Variants in HSD17B11 observed in about 807,000 individuals in gnomAD.
HSD17B11 encodes the protein estradiol 17-beta-dehydrogenase 11.
A neutral mutation model predicts 27.8 loss-of-function variants in HSD17B11; 22 were observed. The observed-to-expected ratio is 0.79, with a 90% CI of 0.56 to 1.13. The LOEUF (loss-of-function observed/expected upper bound fraction) is 1.13, where lower values mean the gene tolerates loss of function less well. Ranked by LOEUF, HSD17B11 falls within the 50% of genes most tolerant of loss-of-function variation. The pLI is 0.00. For missense variants in HSD17B11, 314 were observed against 351.1 expected, an observed-to-expected ratio of 0.89 and a Z score of 0.84; for synonymous variants, 117 against 132.8, an observed-to-expected ratio of 0.88 and a Z score of 0.82.
Position 87,375,629 on chromosome 4 carries a change from T to A in HSD17B11, c.319-799A>T, listed in dbSNP as rs189165357. ...GGTGGCGGGCGCCTATAATCCCAGC[T>A]ACTCAGGAGGCTGAGGCAGGAGAAT... On this transcript the variant is annotated intron_variant, in intron 2 of 6. Coordinates refer to ENST00000358290, the MANE Select transcript of HSD17B11 (RefSeq NM_016245.5). 4.7e-3 allele frequency among the ~76,000 whole-genome samples: 713 copies of A among 152,252 alleles called. 4 individuals carry two copies. Among genetic ancestry groups the A allele is most frequent in the African/African-American group, 0.016 (668 of 41,540 alleles).
At chr4:87,343,773 C>T (rs2110113164) in intron 5 of HSD17B11, among the ~76,000 whole-genome samples, 1 of 152,268 alleles carries the variant, frequency 6.6e-6, no homozygotes, top group South Asian at 2.1e-4. Flanking sequence ...GTCTCGAACT[C>T]CTGATCTCAG....
chr4:87,337,462 T>G, intron 6 of HSD17B11, 96 bp from the exon 7 acceptor site: 1 of 696,310 alleles, frequency 1.4e-6, no homozygotes, highest in Non-Finnish European at 2.5e-6. Context: ...TCATGTATAG[T>G]CATGTTCATG....
chr4:87,363,744 G>GCCCA (rs1735564377), intron 4 of HSD17B11, among the ~76,000 whole-genome samples: 2 of 152,210 alleles, frequency 1.3e-5, no homozygotes, highest in South Asian at 4.1e-4. Flanking sequence ...AATAGACACT[G>GCCCA]CCCAGACCTG....
At chr4:87,370,540 C>T (rs542997093) in intron 4 of HSD17B11, among the ~76,000 whole-genome samples, 25 of 151,678 alleles carry the variant, frequency 1.6e-4, no homozygotes, top group Admixed American at 1.1e-3. Context: ...CTCAGCCTCC[C>T]GACTAGCTGG....
intron 5 of HSD17B11, among the ~76,000 whole-genome samples, chr4:87,354,135 T>C (rs1735336510): frequency 6.6e-6 from 1 of 152,080 alleles, no homozygotes; most frequent in Non-Finnish European, 1.5e-5. Flanking sequence ...CTTGGGGGCT[T>C]GAGATCTTTG....
intron 1 of HSD17B11, 72 bp downstream of exon 1, chr4:87,390,789 G>T: frequency 1.5e-6 from 2 of 1,340,098 alleles, no homozygotes; most frequent in African/African-American, 1.4e-5. Context: ...GGTAAAGGGT[G>T]GTTGCCAGCA....
intron 4 of HSD17B11, among the ~76,000 whole-genome samples, chr4:87,364,602 ACT>A (rs1485400808): frequency 6.6e-6 from 1 of 151,984 alleles, no homozygotes; most frequent in Non-Finnish European, 1.5e-5. Flanking sequence ...GGGAGATGAG[ACT>A]CTCATGAGGA....
intron 5 of HSD17B11, among the ~76,000 whole-genome samples, chr4:87,346,508 G>A (rs1007999773): frequency 1.3e-5 from 2 of 151,990 alleles, no homozygotes; most frequent in African/African-American, 2.4e-5. Flanking sequence ...AAATTAGCTG[G>A]GCATGGTGGC....
At chr4:87,379,908 T>C (rs1720088080) in intron 2 of HSD17B11, among the ~76,000 whole-genome samples, 1 of 137,012 alleles carries the variant, frequency 7.3e-6, no homozygotes, top group Non-Finnish European at 1.5e-5. Context: ...CATATATACA[T>C]ATTATATTAT....
Position 87,340,596 on chromosome 4 carries a change from T to C in HSD17B11, c.706A>G (p.Thr236Ala). 2 of 1,610,738 alleles carry C rather than the reference T, an allele frequency of 1.2e-6. No homozygotes were observed. The highest frequency in any genetic ancestry group is 2.2e-5 in the South Asian group (2 of 90,604). The change falls in exon 6 of 7, where the codon ACT (threonine) becomes GCT (alanine). Residue 236 changes from threonine to alanine, a missense_variant. Physicochemically the swap from Thr to Ala is moderately conservative, Grantham distance 58. Coordinates refer to ENST00000358290, the MANE Select transcript of HSD17B11 (RefSeq NM_016245.5). ...IKNPSTSLGP[T>A]LEPEEVVNRL... ...TTTACCACTTCCTCAGGTTCCAGAG[T>C]GGGTCCCAAACTGAAATCAGAGTCA...
rs560590251 is a variant in HSD17B11, at chr4:87,358,087, C to G, written c.558-671G>C. ...CGCCATTCTCCTGCCTCAGCCTCCG[C>G]AGTAGCTGGGACTACAGGCGCCCGC... On this transcript the variant is annotated intron_variant, in intron 4 of 6. Coordinates refer to ENST00000358290, the MANE Select transcript of HSD17B11 (RefSeq NM_016245.5). Among the ~76,000 whole-genome samples, 200 of 151,044 alleles carry G rather than the reference C, an allele frequency of 1.3e-3. 1 individual carries two copies. The highest frequency in any genetic ancestry group is 9.1e-4 in the Non-Finnish European group (62 of 67,774).
At chr4:87,379,131 C>T (rs147008470) in intron 2 of HSD17B11, among the ~76,000 whole-genome samples, 8,270 of 146,516 alleles carry the variant, frequency 0.056, 807 homozygotes, top group African/African-American at 0.2. Flanking sequence ...CTAATTTTTG[C>T]ATTTTTATAG....
rs367674275 is a variant in HSD17B11, at chr4:87,391,086, G to A, written c.-16C>T. 6.3e-7 allele frequency: 1 copy of A among 1,579,926 alleles called. No homozygotes were observed. The highest frequency in any genetic ancestry group is 1.8e-5 in the Admixed American group (1 of 54,360). On this transcript the variant is annotated 5_prime_UTR_variant, in exon 1 of 7. Transcript: ENST00000358290. ...GAAATTTCATCCCTTTTGTGGCTGCGAGCGTTTGGTGTGTTTTTTTTTTTT... is the reference window on the plus strand; with the variant it reads ...GAAATTTCATCCCTTTTGTGGCTGCAAGCGTTTGGTGTGTTTTTTTTTTTT...
At chr4:87,382,898 A>G (rs1720211359) in intron 1 of HSD17B11, among the ~76,000 whole-genome samples, 1 of 152,250 alleles carries the variant, frequency 6.6e-6, no homozygotes, top group African/African-American at 2.4e-5. Context: ...TCTGTGTAGT[A>G]GAAAGAAACA....
intron 1 of HSD17B11, among the ~76,000 whole-genome samples, chr4:87,386,245 C>A (rs1720315027): frequency 6.6e-6 from 1 of 151,956 alleles, no homozygotes; most frequent in South Asian, 2.1e-4. Context: ...CTCTGTCACC[C>A]AGCCTGGAGT....
At chr4:87,338,026 G>T (rs954702390) in intron 6 of HSD17B11, among the ~76,000 whole-genome samples, 1 of 152,198 alleles carries the variant, frequency 6.6e-6, no homozygotes, top group Non-Finnish European at 1.5e-5. Flanking sequence ...GATCATCCTG[G>T]CTAACACGGT....
At chr4:87,383,410 A>G (rs1720223928) in intron 1 of HSD17B11, among the ~76,000 whole-genome samples, 1 of 152,224 alleles carries the variant, frequency 6.6e-6, no homozygotes, top group Non-Finnish European at 1.5e-5. Flanking sequence ...TTCAGGTAAT[A>G]GATGACACAA....
At chr4:87,387,962 A>T (rs924348810) in intron 1 of HSD17B11, among the ~76,000 whole-genome samples, 1 of 151,868 alleles carries the variant, frequency 6.6e-6, no homozygotes, top group African/African-American at 2.4e-5. Flanking sequence ...CTCCTCTTAC[A>T]TCTCTCCTAA....
At chr4:87,378,871 T>TATATATATAA (rs1720014530) in intron 2 of HSD17B11, among the ~76,000 whole-genome samples, 8 of 26,186 alleles carry the variant, frequency 3.1e-4, no homozygotes, top group East Asian at 2.6e-3. Flanking sequence ...TATATAAATA[T>TATATATATAA]ATATATATAA....
Sources: allele counts gnomAD v4.1 joint callset (sites outside exome capture counted in the v4.1 genomes callset), GRCh38; gene constraint gnomAD v4.1.1; transcripts MANE v1.5; gene names NCBI Gene and HGNC (gene_info 2026-07-23, HGNC 2026-07-21).